Variants in EGF observed in about 807,000 individuals in gnomAD.
The protein encoded by EGF is pro-epidermal growth factor.
In EGF, 95 loss-of-function variants were observed where a neutral mutation model predicts 143.8. That is an observed-to-expected ratio of 0.66 (90% confidence interval 0.56 to 0.78). EGF has a LOEUF of 0.78. Ranked by LOEUF, EGF falls within the 30% of genes least tolerant of loss-of-function variation. The pLI is 0.00. For missense variants in EGF, 1,320 were observed against 1,470.9 expected (o/e 0.90, Z 1.68); for synonymous variants, 510 against 510.5 (o/e 1.00, Z 0.01).
rs796168430 is a variant in EGF, at chr4:109,922,659, G to A, written c.127+9197G>A. On this transcript the variant is annotated intron_variant, in intron 1 of 23. Coordinates refer to ENST00000265171, the MANE Select transcript of EGF (RefSeq NM_001963.6). ...TTTGGGCAGATGGTTCTAGTGTTAC[G>A]CTTGCTTGTTGCCTTACTTTGCAAG... is the stretch of plus-strand genomic sequence containing the variant. Among the ~76,000 whole-genome samples, 7 of 151,606 alleles carry A rather than the reference G, an allele frequency of 4.6e-5. 1 individual carries two copies. The highest frequency in any genetic ancestry group is 3.8e-4 in the East Asian group (2 of 5,200).
At chr4:110,000,956 CACATT>C (rs1752497206) in intron 21 of EGF, among the ~76,000 whole-genome samples, 2 of 152,160 alleles carry the variant, frequency 1.3e-5, no homozygotes, top group Non-Finnish European at 2.9e-5. Context: ...AAAATTTAAC[CACATT>C]TATGGGTACT....
At chr4:110,001,481 A>G (rs1752566440) in intron 21 of EGF, among the ~76,000 whole-genome samples, 1 of 152,352 alleles carries the variant, frequency 6.6e-6, no homozygotes, top group Admixed American at 6.5e-5. Context: ...TGTAGAAAGA[A>G]TATTGAATGA....
intron 1 of EGF, among the ~76,000 whole-genome samples, chr4:109,925,524 C>T (rs1258912046): frequency 6.6e-6 from 1 of 152,104 alleles, no homozygotes; most frequent in Non-Finnish European, 1.5e-5. Context: ...GATGAAGAAA[C>T]CAAGACACGG....
rs761236090 is a variant in EGF at position 109,976,164 on chromosome 4, C to G, written c.1982C>G (p.Ala661Gly). 2 of 1,614,104 alleles carry G rather than the reference C, an allele frequency of 1.2e-6. No individual in the cohort carries two copies. The highest frequency in any genetic ancestry group is 2.2e-5 in the East Asian group (1 of 44,880). Reference sequence around the variant, plus strand: ...ACTGACAAGTTGTACTGGTGCGATGCCAAGCAGTCTGTGATTGAAATGGCC... The same window carrying G: ...ACTGACAAGTTGTACTGGTGCGATGGCAAGCAGTCTGTGATTGAAATGGCC... ...FLTDKLYWCD[A>G]KQSVIEMANL... The change falls in exon 13 of 24, where the codon GCC becomes GGC. Residue 661 changes from alanine to glycine, a missense_variant. Transcript: ENST00000265171.
intron 18 of EGF, 61 bp from the exon 19 acceptor site, chr4:109,993,186 C>A (rs1751275629): frequency 6.2e-7 from 1 of 1,608,078 alleles, no homozygotes. Context: ...GGCTGTCCAA[C>A]TATAAAACCC....
chr4:109,992,116 A>G (rs1751016351), intron 18 of EGF, among the ~76,000 whole-genome samples: 1 of 147,188 alleles, frequency 6.8e-6, no homozygotes, highest in Non-Finnish European at 1.5e-5. Context: ...CAAGGCTACA[A>G]TGAGCCATGA....
chr4:109,963,053 A>C (rs1239753638), intron 8 of EGF, 120 bp from the exon 9 acceptor site: 1 of 1,232,862 alleles, frequency 8.1e-7, no homozygotes, highest in Admixed American at 1.8e-5. Context: ...TGAAAGAGTG[A>C]AACTCCATCT....
At chr4:109,981,061 G>A (rs147776004) in intron 15 of EGF, 86 bp downstream of exon 15, 1 of 1,566,108 alleles carries the variant, frequency 6.4e-7, no homozygotes. Flanking sequence ...TGCTGATTTT[G>A]AATATTTTGG....
At position 110,004,560 on chromosome 4, in the gene EGF, G is replaced by T; in HGVS notation, c.3229G>T (p.Asp1077Tyr). Residue 1077 changes from aspartate to tyrosine, a missense_variant, in exon 22 of 24, where the codon GAT becomes TAT. Asp to Tyr is a radical substitution (Grantham distance 160). Around this residue, in one of 5 missense-constraint regions of EGF, gnomAD observed 1,186 missense variants for 1,313.7 expected, o/e 0.90. Transcript: ENST00000265171. ...GAATCCTTATGAGGAGTCGAGCAGA[G>T]ATGTGAGGAGTCGCAGGCCTGCTGA... ...PKNPYEESSRDVRSRRPADTE... is the reference protein window; with the variant it reads ...PKNPYEESSRYVRSRRPADTE... 6.2e-7 allele frequency: 1 copy of T among 1,614,052 alleles called. No individual in the cohort carries two copies. Among genetic ancestry groups the T allele is most frequent in the African/African-American group, 1.3e-5 (1 of 75,038 alleles).
At chr4:109,983,720 A>G (rs968132016) in intron 16 of EGF, among the ~76,000 whole-genome samples, 179 bp downstream of exon 16, 3 of 152,260 alleles carry the variant, frequency 2.0e-5, no homozygotes, top group Admixed American at 2.0e-4. Flanking sequence ...AGATGGCTGC[A>G]TATTAGTCTG....
At chr4:109,913,842 CA>C (rs748773604) in intron 1 of EGF, among the ~76,000 whole-genome samples, 6 of 151,970 alleles carry the variant, frequency 3.9e-5, no homozygotes, top group Admixed American at 1.3e-4. Flanking sequence ...ACTCTTAAGC[CA>C]CAAAGAAAAA....
intron 1 of EGF, among the ~76,000 whole-genome samples, chr4:109,940,184 AC>A (rs1161530486): frequency 6.6e-6 from 1 of 152,200 alleles, no homozygotes; most frequent in African/African-American, 2.4e-5. Flanking sequence ...GACCCCAGGT[AC>A]AGGATTAGGG....
chr4:109,945,086 G>A lies in EGF; in HGVS notation c.751G>A (p.Ala251Thr), dbSNP rs1291176630. The A allele has an allele frequency of 1.2e-6, 2 of 1,614,116 alleles. No individual in the cohort carries two copies. The highest frequency in any genetic ancestry group is 1.7e-5 in the Admixed American group (1 of 60,014). ...GTTGCTTTTTAGGCATAATTTGTTTGCAATGTCCCTTTTTGGTGACCGTAT... is the reference window on the plus strand; with the variant it reads ...GTTGCTTTTTAGGCATAATTTGTTTACAATGTCCCTTTTTGGTGACCGTAT... Reference protein sequence around the residue: ...SKHPTQHNLFAMSLFGDRIFY... With the variant: ...SKHPTQHNLFTMSLFGDRIFY... Residue 251 changes from alanine (A) to threonine (T), a missense_variant, in exon 5 of 24, where the codon GCA becomes ACA. By Grantham distance (58) the Ala-to-Thr change is moderately conservative. Around this residue, in one of 5 missense-constraint regions of EGF, gnomAD observed 1,186 missense variants for 1,313.7 expected, o/e 0.90. Coordinates refer to ENST00000265171, the MANE Select transcript of EGF (RefSeq NM_001963.6).
intron 10 of EGF, among the ~76,000 whole-genome samples, chr4:109,965,425 G>A (rs112408588): frequency 4.6e-5 from 7 of 152,196 alleles, no homozygotes; most frequent in South Asian, 2.1e-4. Context: ...GCAAATTAAA[G>A]TTTTGCAATT....
At chr4:109,972,077 A>G (rs967233180) in intron 11 of EGF, among the ~76,000 whole-genome samples, 3 of 152,106 alleles carry the variant, frequency 2.0e-5, no homozygotes, top group Non-Finnish European at 4.4e-5. Flanking sequence ...AGGGTTGTTG[A>G]TGGACACCTC....
chr4:109,920,197 T>G (rs937551777), intron 1 of EGF, among the ~76,000 whole-genome samples: 2 of 151,712 alleles, frequency 1.3e-5, no homozygotes, highest in African/African-American at 4.9e-5. Flanking sequence ...CCTTAAACTT[T>G]TTGTCACTTT....
intron 22 of EGF, among the ~76,000 whole-genome samples, chr4:110,007,133 G>C (rs538689781): frequency 1.3e-5 from 2 of 152,314 alleles, no homozygotes; most frequent in South Asian, 4.1e-4. Context: ...TGTATTATAA[G>C]AAAATGAAAA....
intron 21 of EGF, among the ~76,000 whole-genome samples, 172 bp downstream of exon 21, chr4:110,000,018 G>A (rs1397820778): frequency 1.3e-5 from 2 of 152,130 alleles, no homozygotes; most frequent in Admixed American, 6.6e-5. Context: ...TTGGGAGGCC[G>A]AGGCAGGCAG....
chr4:109,968,620 G>A (rs1206947541), intron 10 of EGF, among the ~76,000 whole-genome samples: 1 of 151,892 alleles, frequency 6.6e-6, no homozygotes, highest in Admixed American at 6.6e-5. Context: ...AATAGCAATA[G>A]CAATATGTGC....
Sources: allele counts gnomAD v4.1 joint callset (sites outside exome capture counted in the v4.1 genomes callset), GRCh38; gene constraint gnomAD v4.1.1; regional missense constraint gnomAD v4.1.1; transcripts MANE v1.5; gene names NCBI Gene and HGNC (gene_info 2026-07-23, HGNC 2026-07-21).